The following SLC6A17 variants were observed in gnomAD, a reference collection of about 807,000 sequenced individuals.
SLC6A17 encodes sodium-dependent neutral amino acid transporter SLC6A17.
A neutral mutation model predicts 64.5 loss-of-function variants in SLC6A17; 21 were observed. The ratio of observed to expected loss-of-function variants is 0.33; its 90% CI spans 0.23 to 0.47. The LOEUF is 0.47. Among genes scored for constraint, SLC6A17 ranks in the 20% least tolerant of loss-of-function variants. The pLI is 1.00. For synonymous variants in SLC6A17, 372 were observed against 399.5 expected (o/e 0.93, Z 0.82); for missense variants, 682 against 963.2 (o/e 0.71, Z 3.86).
At chr1:110,171,543 T>G (rs1656223022) in intron 2 of SLC6A17, among the ~76,000 whole-genome samples, 1 of 152,152 alleles carries the variant, frequency 6.6e-6, no homozygotes, top group South Asian at 2.1e-4. Flanking sequence ...CCTGGAGAGC[T>G]TCCAAGCTCA....
Position 110,171,982 on chromosome 1 carries a change from A to G in SLC6A17, c.287-78A>G, listed in dbSNP as rs115282159. ...GACCAGAGATGTGGCTGAGACTGGA[A>G]GACATGGCTGCGGCCCCTTCCCTCA... is the stretch of plus-strand genomic sequence containing the variant. On this transcript the variant is annotated intron_variant, in intron 2 of 11. Transcript: ENST00000331565. The G allele has an allele frequency of 9.8e-4, 1,522 of 1,548,486 alleles. 14 individuals carry two copies. The African/African-American group carries it at 0.016, about 16-fold the overall frequency.
At chr1:110,169,424 A>G (rs1010892) in intron 2 of SLC6A17, among the ~76,000 whole-genome samples, 72,747 of 151,940 alleles carry the variant, frequency 0.48, 17,894 homozygotes, top group Non-Finnish European at 0.53. Flanking sequence ...TATACGTAAC[A>G]TTTTCATCCT....
chr1:110,173,937 G>GAGCATTAAAAAA, intron 3 of SLC6A17, 36 bp from the exon 4 acceptor site: 1 of 1,597,666 alleles, frequency 6.3e-7, no homozygotes, highest in Non-Finnish European at 8.5e-7. Flanking sequence ...GGAGTTGCCT[G>GAGCATTAAAAAA]CAGCCTCAGT....
chr1:110,153,045 G>A (rs1270694720), intron 1 of SLC6A17, among the ~76,000 whole-genome samples: 5 of 152,166 alleles, frequency 3.3e-5, no homozygotes, highest in Non-Finnish European at 7.4e-5. Context: ...TTAAGAGCAG[G>A]ATTAGTGTTG....
At chr1:110,194,539 G>T (rs748927115) in intron 8 of SLC6A17, 40 bp from the exon 9 acceptor site, 2 of 1,599,820 alleles carry the variant, frequency 1.3e-6, no homozygotes, top group South Asian at 2.2e-5. Flanking sequence ...TCCCCAGGGA[G>T]GGGTGACCTC....
chr1:110,168,868 A>G (rs976837947), intron 2 of SLC6A17, among the ~76,000 whole-genome samples: 2 of 152,356 alleles, frequency 1.3e-5, no homozygotes, highest in African/African-American at 2.4e-5. Context: ...ACCAATCACC[A>G]TGGCACCAGA....
chr1:110,189,025 T>A (rs1237987871), intron 6 of SLC6A17, among the ~76,000 whole-genome samples: 2 of 152,114 alleles, frequency 1.3e-5, no homozygotes, highest in Non-Finnish European at 2.9e-5. Context: ...CTTCTCTGAC[T>A]CCCTTTCAGG....
At chr1:110,181,506 A>G (rs1352330674) in intron 6 of SLC6A17, among the ~76,000 whole-genome samples, 1 of 152,260 alleles carries the variant, frequency 6.6e-6, no homozygotes, top group Non-Finnish European at 1.5e-5. Context: ...AACAAAGCAG[A>G]CAGACTTCCT....
chr1:110,188,112 G>T (rs1291041533), intron 6 of SLC6A17, among the ~76,000 whole-genome samples: 1 of 152,184 alleles, frequency 6.6e-6, no homozygotes, highest in Non-Finnish European at 1.5e-5. Context: ...AAATACTAAC[G>T]TGTTTGATTA....
chr1:110,183,405 G>A (rs1557837691), intron 6 of SLC6A17, among the ~76,000 whole-genome samples: 1 of 152,188 alleles, frequency 6.6e-6, no homozygotes, highest in South Asian at 2.1e-4. Flanking sequence ...GATATGAAAT[G>A]TCCAGAATAG....
In SLC6A17 at chr1:110,174,157, C is replaced by G. The variant is rs191096083; in HGVS notation, c.571+58C>G. 88 of 1,596,912 alleles carry G rather than the reference C, an allele frequency of 5.5e-5. No homozygotes were observed. In the East Asian group the frequency reaches 1.9e-3, roughly 34 times the overall value. ...AGCCCTGTCCCAGGAAGGGGTCTCA[C>G]AAGCTTAGCGCACACATTTGGAATT... is the stretch of plus-strand genomic sequence containing the variant. On this transcript the variant is annotated intron_variant, in intron 4 of 11. Coordinates refer to ENST00000331565, the MANE Select transcript of SLC6A17 (RefSeq NM_001010898.4).
chr1:110,190,152 T>A (rs1656787485), intron 6 of SLC6A17, among the ~76,000 whole-genome samples: 1 of 152,010 alleles, frequency 6.6e-6, no homozygotes, highest in Non-Finnish European at 1.5e-5. Context: ...TTATACCTAA[T>A]AAGTACACAG....
Position 110,197,522 on chromosome 1 carries a change from A to G in SLC6A17, c.1738A>G (p.Met580Val). The part of the protein sequence containing the change: ...YMWKFVSPLC[M>V]AVLTTASIIQ... ...GTGGAAGTTCGTGTCTCCACTATGC[A>G]TGGCTGTGCTCACCACAGCCAGCAT... Residue 580 changes from methionine (M) to valine (V), a missense_variant, in exon 11 of 12, where the codon ATG (methionine) becomes GTG (valine). Transcript: ENST00000331565. The G allele has an allele frequency of 6.2e-7, 1 of 1,613,712 alleles. No individual in the cohort carries two copies. Among genetic ancestry groups the G allele is most frequent in the Non-Finnish European group, 8.5e-7 (1 of 1,179,936 alleles).
At chr1:110,152,564 C>T (rs1025347529) in intron 1 of SLC6A17, among the ~76,000 whole-genome samples, 1 of 152,276 alleles carries the variant, frequency 6.6e-6, no homozygotes, top group Non-Finnish European at 1.5e-5. Context: ...GGTCCTGGAG[C>T]TCTGACTCCT....
chr1:110,198,563 G>A lies in SLC6A17; in HGVS notation c.*119G>A, dbSNP rs145772741. Reference sequence around the variant, plus strand: ...GCCAGGCCCTTTGCCCAAGAAGAGAGGGTCTGCCCTGCCTCACTCCCCTCT... The same window carrying A: ...GCCAGGCCCTTTGCCCAAGAAGAGAAGGTCTGCCCTGCCTCACTCCCCTCT... On this transcript the variant is annotated 3_prime_UTR_variant, in exon 12 of 12. Transcript: ENST00000331565. The A allele has an allele frequency of 1.8e-3, 2,630 of 1,482,650 alleles. 42 individuals carry two copies. In the African/African-American group the frequency reaches 0.034, roughly 19 times the overall value. The allele number at this position is 1,482,650 out of a possible 1,614,324, so 91.8% of individuals were successfully genotyped here. A position where few individuals can be genotyped will look rare whatever the true frequency, so the allele number is the denominator to read the frequency against.
intron 2 of SLC6A17, among the ~76,000 whole-genome samples, chr1:110,168,686 A>G (rs1372865046): frequency 6.6e-6 from 1 of 152,224 alleles, no homozygotes. Flanking sequence ...ACTTCAAAGG[A>G]CGTGTGGCAT....
At chr1:110,195,520 C>A in intron 9 of SLC6A17, 66 bp from the exon 10 acceptor site, 1 of 1,580,550 alleles carries the variant, frequency 6.3e-7, no homozygotes, top group Non-Finnish European at 8.6e-7. Context: ...TGGGTGCCCC[C>A]GAGACCCCCA....
rs1656458628 is a variant in SLC6A17, at chr1:110,179,486, A to G, written c.864+2747A>G. Among the ~76,000 whole-genome samples the G allele has an allele frequency of 2.0e-5, 3 of 150,922 alleles. No homozygotes were observed. In the South Asian group the frequency reaches 6.3e-4, roughly 31 times the overall value. ...ATGGTTTATGTACACTTTGAGCAGTAGGGGGTGCTTCTTTCCTTCCTTCTT... is the reference window on the plus strand; with the variant it reads ...ATGGTTTATGTACACTTTGAGCAGTGGGGGGTGCTTCTTTCCTTCCTTCTT... On this transcript the variant is annotated intron_variant, in intron 6 of 11. Coordinates refer to ENST00000331565, the MANE Select transcript of SLC6A17 (RefSeq NM_001010898.4).
rs368335502 is a variant in SLC6A17, at chr1:110,179,339, A to G, written c.864+2600A>G. ...GTATGCATATCTTCAGTCTTATTCA[A>G]TGTTGACTAAATTGCACTCCCAAAT... On this transcript the variant is annotated intron_variant, in intron 6 of 11. Coordinates refer to ENST00000331565, the MANE Select transcript of SLC6A17 (RefSeq NM_001010898.4). Among the ~76,000 whole-genome samples the G allele has an allele frequency of 2.4e-4, 36 of 152,292 alleles. No individual in the cohort carries two copies. In the Middle Eastern group the frequency reaches 0.01, roughly 43 times the overall value.
Sources: gnomAD v4.1 joint callset for allele counts (sites outside exome capture counted in the v4.1 genomes callset) on GRCh38, gnomAD v4.1.1 for gene constraint, MANE v1.5 for transcripts, NCBI Gene and HGNC (gene_info 2026-07-23, HGNC 2026-07-21) for gene names.